FAT4: variants seen among roughly 807,000 people sequenced by gnomAD.
FAT4 encodes the protein protocadherin Fat 4.
A neutral mutation model predicts 303.9 loss-of-function variants in FAT4; 84 were observed. The observed-to-expected ratio is 0.28, with a 90% CI of 0.23 to 0.33. The LOEUF is 0.33. Among genes scored for constraint, FAT4 ranks in the 10% least tolerant of loss-of-function variants. FAT4 has a pLI of 1.00. For synonymous variants in FAT4, 2,307 were observed against 2,298.8 expected (o/e 1.00, Z -0.10); for missense variants, 6,005 against 6,146.8 (o/e 0.98, Z 0.77).
intron 3 of FAT4, among the ~76,000 whole-genome samples, chr4:125,406,176 A>C (rs1017120000): frequency 6.6e-6 from 1 of 152,074 alleles, no homozygotes; most frequent in African/African-American, 2.4e-5. Context: ...TTTTAAATTG[A>C]TATTTGTGTA....
At chr4:125,437,935 C>T (rs1210501715) in intron 8 of FAT4, among the ~76,000 whole-genome samples, 8 of 152,020 alleles carry the variant, frequency 5.3e-5, no homozygotes, top group Admixed American at 4.6e-4. Context: ...AGAATAGCAC[C>T]AGGAACAAAA....
chr4:125,454,557 G>A (rs1032411768), intron 10 of FAT4, among the ~76,000 whole-genome samples: 2 of 152,188 alleles, frequency 1.3e-5, no homozygotes, highest in African/African-American at 4.8e-5. Flanking sequence ...GTACAGGCCA[G>A]GTGCAGTGGC....
In FAT4 at chr4:125,408,578, C is replaced by A. The variant is rs1474952333; in HGVS notation, c.5704C>A (p.Arg1902=). The change falls in exon 5 of 18, where the codon CGA becomes AGA. Residue 1902 remains arginine, a synonymous_variant. Coordinates refer to ENST00000394329, the MANE Select transcript of FAT4 (RefSeq NM_001291303.3). ...NPITGVFNLT[R]LLDYEVQQYY... is the part of the protein sequence containing the mutation. ...TATTACTGGGGTCTTTAATTTGACT[C>A]GATTATTAGATTATGAAGTACAGCA... The A allele has an allele frequency of 6.2e-7, 1 of 1,612,514 alleles. No homozygotes were observed.
intron 2 of FAT4, among the ~76,000 whole-genome samples, chr4:125,384,151 TG>T (rs1274490615): frequency 6.6e-6 from 1 of 152,222 alleles, no homozygotes; most frequent in African/African-American, 2.4e-5. Flanking sequence ...TACAAGTTTT[TG>T]TGCAAACATG....
At chr4:125,376,998 G>A (rs2125995737) in intron 2 of FAT4, among the ~76,000 whole-genome samples, 1 of 152,282 alleles carries the variant, frequency 6.6e-6, no homozygotes, top group Admixed American at 6.5e-5. Flanking sequence ...CAAAATGGGA[G>A]CATAGTAAAT....
chr4:125,488,588 T>C (rs1399768844), intron 17 of FAT4, among the ~76,000 whole-genome samples: 1 of 151,904 alleles, frequency 6.6e-6, no homozygotes, highest in Non-Finnish European at 1.5e-5. Context: ...TTCAAGGAGG[T>C]TTCTACTTCT....
At chr4:125,330,508 T>C (rs150639719) in intron 2 of FAT4, among the ~76,000 whole-genome samples, 1 of 152,350 alleles carries the variant, frequency 6.6e-6, no homozygotes, top group East Asian at 1.9e-4. Flanking sequence ...TATATATGTA[T>C]AGGGGTGGGT....
intron 2 of FAT4, among the ~76,000 whole-genome samples, chr4:125,327,898 T>A (rs962755485): frequency 6.6e-6 from 1 of 152,188 alleles, no homozygotes; most frequent in African/African-American, 2.4e-5. Flanking sequence ...AAAAACTGCC[T>A]AAGAACCTCA....
At position 125,487,553 on chromosome 4, in the gene FAT4, C is replaced by T; in HGVS notation, c.13031C>T (p.Thr4344Ile). Residue 4344 changes from threonine to isoleucine, a missense_variant, in exon 17 of 18, where the codon ACT becomes ATT. Physicochemically the swap from Thr to Ile is moderately conservative, Grantham distance 89 (BLOSUM62 -1). Transcript: ENST00000394329. ...TQDFGGLDVL[T>I]ISLGGIPPNQ... ...GACTTCGGTGGCCTTGATGTGCTTA[C>T]TATATCACTTGGAGGAATTCCACCC... 6.2e-7 allele frequency: 1 copy of T among 1,613,536 alleles called. No homozygotes were observed. Among genetic ancestry groups the T allele is most frequent in the Non-Finnish European group, 8.5e-7 (1 of 1,179,692 alleles).
chr4:125,425,437 G>A lies in FAT4; in HGVS notation c.7019-8808G>A, dbSNP rs142715427. ...ATGTTTATACGAATTTCTTCCCTTTGGATTAAATTTTATTTTTATATTAAA... is the reference window on the plus strand; with the variant it reads ...ATGTTTATACGAATTTCTTCCCTTTAGATTAAATTTTATTTTTATATTAAA... On this transcript the variant is annotated intron_variant, in intron 7 of 17. Coordinates refer to ENST00000394329, the MANE Select transcript of FAT4 (RefSeq NM_001291303.3). 2.4e-3 allele frequency among the ~76,000 whole-genome samples: 363 copies of A among 151,894 alleles called. 3 individuals are homozygous for A. The highest frequency in any genetic ancestry group is 8.1e-3 in the Admixed American group (124 of 15,266).
In FAT4 at chr4:125,490,725, A is replaced by G; in HGVS notation, c.13909A>G (p.Ile4637Val). ...ASSIAPSDAD[I>V]IQHYKQFRSH... Reference sequence around the variant, plus strand: ...CAGCATCGCCCCTTCGGATGCAGACATCATTCAACACTACAAGCAGTTCCG... The same window carrying G: ...CAGCATCGCCCCTTCGGATGCAGACGTCATTCAACACTACAAGCAGTTCCG... Residue 4637 changes from isoleucine to valine, a missense_variant, in exon 18 of 18, where the codon ATC becomes GTC. Physicochemically the swap from Ile to Val is conservative, Grantham distance 29 (BLOSUM62 3). Transcript: ENST00000394329. 6.2e-7 allele frequency: 1 copy of G among 1,614,120 alleles called. No individual in the cohort carries two copies. The highest frequency in any genetic ancestry group is 8.5e-7 in the Non-Finnish European group (1 of 1,180,028).
intron 2 of FAT4, among the ~76,000 whole-genome samples, chr4:125,389,407 T>C (rs1019905481): frequency 6.6e-6 from 1 of 152,186 alleles, no homozygotes; most frequent in African/African-American, 2.4e-5. Flanking sequence ...TGCATGATAA[T>C]ATTTAAATAC....
Position 125,448,567 on chromosome 4 carries a change from A to T in FAT4, c.7557A>T (p.Pro2519=). ...ATTCTGAAAAATTTCACATTGACCCACTGAGGGGAGCCATTATGGCCGCCG... is the reference window on the plus strand; with the variant it reads ...ATTCTGAAAAATTTCACATTGACCCTCTGAGGGGAGCCATTATGGCCGCCG... ...GRNSEKFHID[P]LRGAIMAAGP... is the part of the protein sequence containing the mutation. The change falls in exon 10 of 18, where the codon CCA becomes CCT. Residue 2519 remains proline, a synonymous_variant. Coordinates refer to ENST00000394329, the MANE Select transcript of FAT4 (RefSeq NM_001291303.3). 1.2e-6 allele frequency: 2 copies of T among 1,614,004 alleles called. No individual in the cohort carries two copies. The highest frequency in any genetic ancestry group is 1.7e-6 in the Non-Finnish European group (2 of 1,179,920).
chr4:125,414,722 A>T (rs939215043), intron 5 of FAT4, among the ~76,000 whole-genome samples, 162 bp from the exon 6 acceptor site: 3 of 152,200 alleles, frequency 2.0e-5, no homozygotes, highest in African/African-American at 7.2e-5. Context: ...ACACCCTAGT[A>T]AATAGCAAGC....
intron 14 of FAT4, among the ~76,000 whole-genome samples, chr4:125,478,720 G>A (rs1377286826): frequency 2.0e-5 from 3 of 151,872 alleles, no homozygotes; most frequent in Non-Finnish European, 4.4e-5. Flanking sequence ...TAGTAGAGAC[G>A]GGGTTTCACC....
Position 125,415,463 on chromosome 4 carries a change from C to A in FAT4, c.6500C>A (p.Thr2167Lys). The A allele has an allele frequency of 6.2e-6, 10 of 1,614,100 alleles. No individual in the cohort carries two copies. The highest frequency in any genetic ancestry group is 7.6e-6 in the Non-Finnish European group (9 of 1,179,994). ...ALYKVEINEN[T>K]LTGTDIIQVF... ...TATAAAGTGGAGATTAATGAAAACA[C>A]ACTTACTGGAACAGATATAATACAA... is the stretch of plus-strand genomic sequence containing the variant. Residue 2167 changes from threonine (T) to lysine (K), a missense_variant, in exon 6 of 18, where the codon ACA becomes AAA. Physicochemically the swap from Thr to Lys is moderately conservative, Grantham distance 78. Coordinates refer to ENST00000394329, the MANE Select transcript of FAT4 (RefSeq NM_001291303.3).
At chr4:125,436,560 A>T (rs557729641) in intron 8 of FAT4, among the ~76,000 whole-genome samples, 1 of 152,270 alleles carries the variant, frequency 6.6e-6, no homozygotes, top group South Asian at 2.1e-4. Context: ...CATGCTGCTA[A>T]TAAAGACATA....
In FAT4 at chr4:125,451,045, G is replaced by T. The variant is rs200721145; in HGVS notation, c.10035G>T (p.Lys3345Asn). The change falls in exon 10 of 18, where the codon AAG becomes AAT. Residue 3345 changes from lysine (K) to asparagine (N), a missense_variant. Transcript: ENST00000394329. ...ATTTGATTTTTGGTAATAGTCGAAA[G>T]AAGGGTTTCCAGATCAATAAGAAGA... ...VHYLIFGNSR[K>N]KGFQINKKTG... The T allele has an allele frequency of 3.1e-4, 505 of 1,614,056 alleles. 2 individuals carry two copies. Among genetic ancestry groups the T allele is most frequent in the Non-Finnish European group, 3.5e-4 (418 of 1,180,002 alleles).
At position 125,481,721 on chromosome 4, in the gene FAT4, A is replaced by C; in HGVS notation, c.12805A>C (p.Asn4269His). ...GVLIHIQESS[N>H]YTTVKIKNGK... Reference sequence around the variant, plus strand: ...TTTAATCCATATCCAAGAAAGCAGCAATTACACTACTGTGAAGGTGAGATA... The same window carrying C: ...TTTAATCCATATCCAAGAAAGCAGCCATTACACTACTGTGAAGGTGAGATA... Residue 4269 changes from asparagine to histidine, a missense_variant, in exon 16 of 18, where the codon AAT becomes CAT. Transcript: ENST00000394329. 1 of 1,614,014 alleles carries C rather than the reference A, an allele frequency of 6.2e-7. No individual in the cohort carries two copies. Among genetic ancestry groups the C allele is most frequent in the South Asian group, 1.1e-5 (1 of 91,088 alleles).
Sources: allele counts gnomAD v4.1 joint callset (sites outside exome capture counted in the v4.1 genomes callset), GRCh38; gene constraint gnomAD v4.1.1; transcripts MANE v1.5; gene names NCBI Gene and HGNC (gene_info 2026-07-23, HGNC 2026-07-21).